MCTP2: variants seen among roughly 807,000 people sequenced by gnomAD.
MCTP2 encodes multiple C2 and transmembrane domain containing 2.
MCTP2 carries 132 observed loss-of-function variants against 111.6 expected under a neutral mutation model. The observed-to-expected ratio is 1.18, with a 90% CI of 1.03 to 1.37. The LOEUF (loss-of-function observed/expected upper bound fraction) is 1.37. Ranked by LOEUF, MCTP2 falls within the 40% of genes most tolerant of loss-of-function variation. MCTP2 has a pLI of 0.00. For synonymous variants in MCTP2, 395 were observed against 387.7 expected (o/e 1.02, Z -0.22); for missense variants, 1,183 against 1,067.9 (o/e 1.11, Z -1.50).
At chr15:94,350,275 C>A (rs1423791691) in intron 8 of MCTP2, among the ~76,000 whole-genome samples, 1 of 152,156 alleles carries the variant, frequency 6.6e-6, no homozygotes, top group Non-Finnish European at 1.5e-5. Context: ...AAGAGAGGTG[C>A]TCTGGGTGCA....
At chr15:94,456,786 T>C (rs2084863896) in intron 19 of MCTP2, among the ~76,000 whole-genome samples, 1 of 152,162 alleles carries the variant, frequency 6.6e-6, no homozygotes, top group African/African-American at 2.4e-5. Context: ...CAGCACCCTT[T>C]ACTGGAGAAG....
At chr15:94,295,848 G>A (rs1345935119) in intron 1 of MCTP2, among the ~76,000 whole-genome samples, 3 of 151,690 alleles carry the variant, frequency 2.0e-5, no homozygotes, top group Non-Finnish European at 2.9e-5. Flanking sequence ...CCAGGAGTTC[G>A]AGGCCGCAGT....
rs145490381 is a variant in MCTP2 at position 94,340,877 on chromosome 15, G to C, written c.922G>C (p.Val308Leu). Residue 308 changes from valine (V) to leucine (L), a missense_variant, in exon 7 of 23, where the codon GTG (valine) becomes CTG (leucine). Physicochemically the swap from Val to Leu is conservative, Grantham distance 32. Transcript: ENST00000357742. ...TTTAGAAGATGACATGGGAGTGATC[G>C]TGTTAAATTTGAACCTAGTGGTAAA... is the stretch of plus-strand genomic sequence containing the variant. ...NSLEDDMGVI[V>L]LNLNLVVKQG... 1.2e-5 allele frequency: 19 copies of C among 1,613,102 alleles called. No individual in the cohort carries two copies. The East Asian group carries it at 4.0e-4, about 34-fold the overall frequency.
intron 1 of MCTP2, among the ~76,000 whole-genome samples, chr15:94,245,004 A>G (rs2071685570): frequency 1.3e-5 from 2 of 149,766 alleles, no homozygotes; most frequent in South Asian, 4.2e-4. Context: ...ATATACGTAT[A>G]TGTATACACA....
At chr15:94,433,231 T>A (rs2083287552) in intron 17 of MCTP2, among the ~76,000 whole-genome samples, 1 of 152,222 alleles carries the variant, frequency 6.6e-6, no homozygotes, top group African/African-American at 2.4e-5. Context: ...CATGTTCTCC[T>A]ATCTGAGATT....
At chr15:94,363,239 AG>A (rs1182754324) in intron 10 of MCTP2, among the ~76,000 whole-genome samples, 3 of 152,128 alleles carry the variant, frequency 2.0e-5, no homozygotes, top group Non-Finnish European at 4.4e-5. Context: ...ACAGTACTTG[AG>A]GATTCAGTGG....
Position 94,250,188 on chromosome 15 carries a change from A to G in MCTP2, c.-66+18524A>G, listed in dbSNP as rs536881492. On this transcript the variant is annotated intron_variant, in intron 1 of 22. Coordinates refer to ENST00000357742, the MANE Select transcript of MCTP2 (RefSeq NM_001385001.1). ...TTTCCAGGTGACTACATAGCATTGGAGAATTCATTTTTAATGGCTGCATTA... is the reference window on the plus strand; with the variant it reads ...TTTCCAGGTGACTACATAGCATTGGGGAATTCATTTTTAATGGCTGCATTA... Among the ~76,000 whole-genome samples the G allele has an allele frequency of 1.1e-3, 175 of 152,288 alleles. 1 individual carries two copies. Among genetic ancestry groups the G allele is most frequent in the African/African-American group, 4.1e-3 (172 of 41,562 alleles).
rs1002122440 is a variant in MCTP2 at position 94,434,633 on chromosome 15, G to A, written c.2086-5543G>A. Among the ~76,000 whole-genome samples, 2 of 151,486 alleles carry A rather than the reference G, an allele frequency of 1.3e-5. 1 individual carries two copies. Among genetic ancestry groups the A allele is most frequent in the South Asian group, 4.2e-4 (2 of 4,806 alleles). ...TGTTTAAAAAAAATACCATTTTTTC[G>A]ATTGAATTACATTGGCAACTTTCTT... On this transcript the variant is annotated intron_variant, in intron 17 of 22. Coordinates refer to ENST00000357742, the MANE Select transcript of MCTP2 (RefSeq NM_001385001.1).
intron 17 of MCTP2, chr15:94,402,756 A>C: frequency 7.0e-7 from 1 of 1,426,698 alleles, no homozygotes; most frequent in Non-Finnish European, 9.1e-7. Context: ...GGAGAAATCA[A>C]GTCTCCCGAC....
At chr15:94,259,663 C>A (rs2073061736) in intron 1 of MCTP2, among the ~76,000 whole-genome samples, 1 of 152,150 alleles carries the variant, frequency 6.6e-6, no homozygotes, top group Non-Finnish European at 1.5e-5. Flanking sequence ...AATTTCTGAA[C>A]TCCAAAAACA....
intron 1 of MCTP2, among the ~76,000 whole-genome samples, chr15:94,289,722 G>A (rs952450479): frequency 1.3e-5 from 2 of 152,006 alleles, no homozygotes; most frequent in Non-Finnish European, 2.9e-5. Flanking sequence ...TTATATTATG[G>A]GAGAAGAGAC....
rs184254542 is a variant in MCTP2, at chr15:94,364,778, G to T, written c.1302-2827G>T. 9.8e-5 allele frequency among the ~76,000 whole-genome samples: 15 copies of T among 152,302 alleles called. No homozygotes were observed. In the East Asian group the frequency reaches 1.9e-3, roughly 20 times the overall value. Reference sequence around the variant, plus strand: ...TGCAGTAACCTCTTACTAGGTTGGGGTTAATGAAAATAATTCTCCCAGTCT... The same window carrying T: ...TGCAGTAACCTCTTACTAGGTTGGGTTTAATGAAAATAATTCTCCCAGTCT... On this transcript the variant is annotated intron_variant, in intron 10 of 22. Transcript: ENST00000357742.
intron 18 of MCTP2, among the ~76,000 whole-genome samples, chr15:94,442,397 G>A (rs1596725225): frequency 6.6e-6 from 1 of 152,082 alleles, no homozygotes; most frequent in African/African-American, 2.4e-5. Context: ...TCCCTCACCT[G>A]CCCCTTCTAA....
At chr15:94,367,546 T>A in intron 10 of MCTP2, 59 bp from the exon 11 acceptor site, 1 of 1,330,814 alleles carries the variant, frequency 7.5e-7, no homozygotes, top group South Asian at 1.3e-5. Context: ...GCTTTGGAGG[T>A]ACTGCAGTGG....
intron 17 of MCTP2, among the ~76,000 whole-genome samples, chr15:94,410,471 G>T (rs1376498835): frequency 6.6e-6 from 1 of 151,914 alleles, no homozygotes; most frequent in African/African-American, 2.4e-5. Flanking sequence ...TATGCCTATA[G>T]TTCCAGCACT....
At chr15:94,243,370 T>C (rs1335624521) in intron 1 of MCTP2, among the ~76,000 whole-genome samples, 1 of 140,840 alleles carries the variant, frequency 7.1e-6, no homozygotes, top group African/African-American at 2.6e-5. Context: ...CGTATATGCG[T>C]ATGTACATAC....
At chr15:94,243,097 A>G (rs1422384454) in intron 1 of MCTP2, among the ~76,000 whole-genome samples, 1 of 141,548 alleles carries the variant, frequency 7.1e-6, no homozygotes, top group Non-Finnish European at 1.6e-5. Context: ...ATACGTGTAT[A>G]TGTGTATCTA....
intron 12 of MCTP2, among the ~76,000 whole-genome samples, chr15:94,376,569 A>T (rs1247589990): frequency 6.6e-6 from 1 of 152,234 alleles, no homozygotes; most frequent in Non-Finnish European, 1.5e-5. Context: ...TGTGCTTAAT[A>T]AATGTATTTC....
chr15:94,335,971 G>A (rs1183204965), intron 4 of MCTP2, among the ~76,000 whole-genome samples: 1 of 152,028 alleles, frequency 6.6e-6, no homozygotes, highest in East Asian at 1.9e-4. Flanking sequence ...TTGTGTGCAT[G>A]TATTACTTTT....
Sources: gnomAD v4.1 joint callset for allele counts (sites outside exome capture counted in the v4.1 genomes callset) on GRCh38, gnomAD v4.1.1 for gene constraint, MANE v1.5 for transcripts, NCBI Gene and HGNC (gene_info 2026-07-23, HGNC 2026-07-21) for gene names.